Variants in ALG1L2 observed in about 807,000 individuals in gnomAD.
The protein encoded by ALG1L2 is putative glycosyltransferase ALG1L2.
In ALG1L2, 32 loss-of-function variants were observed where a neutral mutation model predicts 29.0. The observed-to-expected ratio is 1.10, with a 90% CI of 0.83 to 1.48. ALG1L2 has a LOEUF of 1.48. Ranked by LOEUF, ALG1L2 falls within the 40% of genes most tolerant of loss-of-function variation. ALG1L2 has a pLI of 0.00. For missense variants in ALG1L2, 318 were observed against 274.1 expected, an observed-to-expected ratio of 1.16 and a Z score of -1.13; for synonymous variants, 110 against 109.5, an observed-to-expected ratio of 1.00 and a Z score of -0.03.
chr3:130,095,987 G>C (rs538449536), intron 5 of ALG1L2, 62 bp from the exon 6 acceptor site: 2 of 1,474,556 alleles, frequency 1.4e-6, no homozygotes, highest in East Asian at 4.7e-5. Context: ...TCACTGTGCT[G>C]GGAGGATTTG....
chr3:130,095,550 C>A (rs1453365733), intron 5 of ALG1L2, among the ~76,000 whole-genome samples: 2 of 152,006 alleles, frequency 1.3e-5, no homozygotes, highest in African/African-American at 4.8e-5. Flanking sequence ...GATTCTCCTG[C>A]CTCAGCCTCC....
chr3:130,092,570 G>A (rs1230090121), intron 3 of ALG1L2, among the ~76,000 whole-genome samples: 1 of 152,134 alleles, frequency 6.6e-6, no homozygotes, highest in African/African-American at 2.4e-5. Context: ...GACAGTAGGG[G>A]TGGTGGAGGT....
chr3:130,087,546 A>T (rs1403746758), intron 1 of ALG1L2, among the ~76,000 whole-genome samples: 2 of 148,876 alleles, frequency 1.3e-5, no homozygotes, highest in Non-Finnish European at 1.5e-5. Flanking sequence ...GATTTTGATC[A>T]TTGCCTTGGT....
intron 1 of ALG1L2, among the ~76,000 whole-genome samples, chr3:130,086,687 AGAAG>A (rs1934896791): frequency 7.4e-6 from 1 of 135,790 alleles, no homozygotes; most frequent in African/African-American, 2.5e-5. Context: ...TAAAAGTAAG[AGAAG>A]AGAAGACAGA....
At chr3:130,095,558 T>G (rs1282137276) in intron 5 of ALG1L2, among the ~76,000 whole-genome samples, 1 of 151,954 alleles carries the variant, frequency 6.6e-6, no homozygotes, top group Non-Finnish European at 1.5e-5. Context: ...TGCCTCAGCC[T>G]CCTGAGTAGC....
intron 1 of ALG1L2, among the ~76,000 whole-genome samples, chr3:130,085,724 C>A (rs1489710929): frequency 1.3e-5 from 2 of 151,586 alleles, no homozygotes; most frequent in African/African-American, 4.8e-5. Flanking sequence ...GTGCCCTGCT[C>A]TGTGAAATGT....
At chr3:130,085,876 G>A (rs1934879074) in intron 1 of ALG1L2, among the ~76,000 whole-genome samples, 1 of 151,120 alleles carries the variant, frequency 6.6e-6, no homozygotes, top group Non-Finnish European at 1.5e-5. Context: ...TTCTCCCGCA[G>A]CACTTAGCAG....
intron 1 of ALG1L2, among the ~76,000 whole-genome samples, chr3:130,085,638 T>A: frequency 6.6e-6 from 1 of 151,648 alleles, no homozygotes. Flanking sequence ...TCCAAATATG[T>A]CACATTTTGA....
At chr3:130,093,705 T>C (rs1196192407) in intron 4 of ALG1L2, among the ~76,000 whole-genome samples, 3 of 152,324 alleles carry the variant, frequency 2.0e-5, no homozygotes, top group African/African-American at 7.2e-5. Flanking sequence ...ATTATAGATA[T>C]GAACCACTGT....
At chr3:130,094,210 G>C (rs1935080922) in intron 4 of ALG1L2, 193 bp from the exon 5 acceptor site, 8 of 651,188 alleles carry the variant, frequency 1.2e-5, no homozygotes, top group Non-Finnish European at 1.9e-5. Flanking sequence ...TCAGGGGTCA[G>C]GGTGCACATA....
rs1386561190 is a variant in ALG1L2, at chr3:130,086,432, C to T, written c.20+4396C>T. Among the ~76,000 whole-genome samples, 4 of 149,590 alleles carry T rather than the reference C, an allele frequency of 2.7e-5. 1 individual carries two copies. The highest frequency in any genetic ancestry group is 6.7e-5 in the Admixed American group (1 of 14,870). On this transcript the variant is annotated intron_variant, in intron 1 of 7. Transcript: ENST00000425059. ...CTGTCATCTCAACACTTTGGGAGGC[C>T]AAGGCGGGAGGATCCCTTGAAGCCA...
intron 3 of ALG1L2, among the ~76,000 whole-genome samples, chr3:130,092,632 G>A (rs531947189): frequency 6.6e-6 from 1 of 152,318 alleles, no homozygotes; most frequent in East Asian, 1.9e-4. Context: ...CCCTCAGGCT[G>A]AAATGCCCCC....
intron 1 of ALG1L2, among the ~76,000 whole-genome samples, chr3:130,090,413 T>C (rs183736693): frequency 6.6e-6 from 1 of 152,420 alleles, no homozygotes. Flanking sequence ...CAAAATAGAA[T>C]CAGCTTTGGA....
intron 5 of ALG1L2, 81 bp from the exon 6 acceptor site, chr3:130,095,968 G>T (rs1368684774): frequency 2.1e-6 from 3 of 1,443,766 alleles, no homozygotes; most frequent in Admixed American, 3.9e-5. Context: ...CCCCTCGGGG[G>T]GTGTTGCCTC....
At chr3:130,084,837 G>A (rs1214008028) in intron 1 of ALG1L2, among the ~76,000 whole-genome samples, 2 of 131,752 alleles carry the variant, frequency 1.5e-5, no homozygotes, top group African/African-American at 5.1e-5. Context: ...TCTTCTCCCT[G>A]TGTGCATCTG....
At chr3:130,086,990 C>T (rs567037056) in intron 1 of ALG1L2, among the ~76,000 whole-genome samples, 2 of 151,226 alleles carry the variant, frequency 1.3e-5, no homozygotes, top group South Asian at 2.1e-4. Context: ...CAGAACCTTC[C>T]TTTCTTTCTT....
At chr3:130,092,771 C>T (rs1269626511) in intron 3 of ALG1L2, among the ~76,000 whole-genome samples, 1 of 152,144 alleles carries the variant, frequency 6.6e-6, no homozygotes, top group African/African-American at 2.4e-5. Context: ...TGGCTCACAC[C>T]TGTAATCCTA....
Position 130,093,160 on chromosome 3 carries a change from G to A in ALG1L2, c.313G>A (p.Gly105Ser). ...TCCTTCTCTCGTCTGTGTGATAACA[G>A]GTACTGCCTGGGACCCTGGGTGTCT... The part of the protein sequence containing the change: ...NLPSLVCVIT[G>S]KGPLREYYSR... Residue 105 changes from glycine to serine, a missense_variant and splice_region_variant, in exon 4 of 8, where the codon GGC becomes AGC. Transcript: ENST00000425059. 6.2e-7 allele frequency: 1 copy of A among 1,611,614 alleles called. No individual in the cohort carries two copies. The highest frequency in any genetic ancestry group is 1.7e-5 in the Admixed American group (1 of 59,996).
At chr3:130,092,998 C>G in intron 3 of ALG1L2, 103 bp from the exon 4 acceptor site, 1 of 1,198,372 alleles carries the variant, frequency 8.3e-7, no homozygotes, top group East Asian at 2.8e-5. Flanking sequence ...CCATTGCATT[C>G]CAGCCTGGGT....
Sources: gnomAD v4.1 joint callset for allele counts (sites outside exome capture counted in the v4.1 genomes callset) on GRCh38, gnomAD v4.1.1 for gene constraint, MANE v1.5 for transcripts, NCBI Gene and HGNC (gene_info 2026-07-23, HGNC 2026-07-21) for gene names.